The following MARCHF6 variants were observed in gnomAD, a reference collection of about 807,000 sequenced individuals.
The protein encoded by MARCHF6 is E3 ubiquitin-protein ligase MARCHF6.
Under a neutral mutation model 133.7 loss-of-function variants are expected in MARCHF6, and 31 were observed. That is an observed-to-expected ratio of 0.23 (90% confidence interval 0.17 to 0.31). The LOEUF is 0.31. Ranked by LOEUF, MARCHF6 falls within the 10% of genes least tolerant of loss-of-function variation. MARCHF6 has a pLI of 1.00. For missense variants in MARCHF6, 723 were observed against 1,121.6 expected (o/e 0.64, Z 5.08); for synonymous variants, 395 against 402.5 (o/e 0.98, Z 0.22).
At chr5:10,370,958 T>A (rs1679605071) in intron 1 of MARCHF6, among the ~76,000 whole-genome samples, 2 of 152,150 alleles carry the variant, frequency 1.3e-5, no homozygotes, top group African/African-American at 2.4e-5. Context: ...ATGAAAAAAA[T>A]AAAACATTCA....
chr5:10,373,630 A>G (rs1202152860), intron 1 of MARCHF6, among the ~76,000 whole-genome samples: 1 of 152,140 alleles, frequency 6.6e-6, no homozygotes, highest in Non-Finnish European at 1.5e-5. Context: ...GCCATAGTCA[A>G]TGGCCGACCC....
chr5:10,411,494 T>C lies in MARCHF6; in HGVS notation c.1853T>C (p.Val618Ala), dbSNP rs764711613. 1 of 1,614,242 alleles carries C rather than the reference T, an allele frequency of 6.2e-7. No homozygotes were observed. The highest frequency in any genetic ancestry group is 1.7e-5 in the Admixed American group (1 of 60,032). Reference protein sequence around the residue: ...HQAILQQGGPVGFQPYRRPLN... With the variant: ...HQAILQQGGPAGFQPYRRPLN... ...GCCATACTCCAGCAGGGAGGGCCTG[T>C]TGGCTTTCAGCCTTACCGCCGACCT... The change falls in exon 19 of 26, where the codon GTT (valine) becomes GCT (alanine). Residue 618 changes from valine to alanine, a missense_variant. Transcript: ENST00000274140.
chr5:10,369,103 G>T (rs1234631769), intron 1 of MARCHF6, among the ~76,000 whole-genome samples: 1 of 152,196 alleles, frequency 6.6e-6, no homozygotes, highest in Non-Finnish European at 1.5e-5. Context: ...GCAGTGTGAT[G>T]AATTGTGTTC....
intron 17 of MARCHF6, among the ~76,000 whole-genome samples, chr5:10,408,570 G>A (rs371130345): frequency 3.3e-5 from 5 of 152,186 alleles, no homozygotes; most frequent in Admixed American, 1.3e-4. Context: ...AAAGAGTCTC[G>A]CTCTGTCACC....
intron 15 of MARCHF6, 97 bp from the exon 16 acceptor site, chr5:10,405,461 A>G (rs1738829415): frequency 9.4e-6 from 10 of 1,063,480 alleles, no homozygotes; most frequent in Non-Finnish European, 1.3e-5. Flanking sequence ...AGATGCCAGA[A>G]TAATTCTAAG....
rs2126618621 is a variant in MARCHF6 at position 10,353,923 on chromosome 5, T to C, written c.19+6T>C. On this transcript the variant is annotated splice_donor_region_variant and intron_variant, in intron 1 of 25. Transcript: ENST00000274140. ...GATGGACACCGCGGAGGAAGGTAAG[T>C]CGGCGACGCGCGGCGCCCGAGCCCT... 3 of 1,555,934 alleles carry C rather than the reference T, an allele frequency of 1.9e-6. No individual in the cohort carries two copies. The highest frequency in any genetic ancestry group is 2.6e-6 in the Non-Finnish European group (3 of 1,155,826).
intron 11 of MARCHF6, chr5:10,401,349 T>C (rs75002437): frequency 0.013 from 2,046 of 154,546 alleles, 48 homozygotes; most frequent in African/African-American, 0.046. Flanking sequence ...AATTTAGTCT[T>C]TTATGGAAAA....
At chr5:10,370,296 T>A (rs1736393862) in intron 1 of MARCHF6, among the ~76,000 whole-genome samples, 1 of 151,530 alleles carries the variant, frequency 6.6e-6, no homozygotes, top group Non-Finnish European at 1.5e-5. Context: ...GATATGGGGG[T>A]CTCCCTATGT....
chr5:10,391,610 CGCA>C lies in MARCHF6; in HGVS notation c.647_649del (p.Ala216del). 1 of 1,612,758 alleles carries C rather than the reference CGCA, an allele frequency of 6.2e-7. No individual in the cohort carries two copies. The highest frequency in any genetic ancestry group is 1.1e-5 in the South Asian group (1 of 91,016). On this transcript the variant is annotated inframe_deletion, in exon 7 of 26. Transcript: ENST00000274140. ...AGCCTGCTAACCCACCAGCTGAGAA[CGCA>C]GTGGTGGGGGAAAACCCTGATGCCC...
chr5:10,433,100 G>T (rs1234909642), intron 25 of MARCHF6, among the ~76,000 whole-genome samples: 1 of 152,082 alleles, frequency 6.6e-6, no homozygotes, highest in Non-Finnish European at 1.5e-5. Context: ...ATGTTGGCCA[G>T]GCTGGTCTGA....
At chr5:10,364,517 C>CAAAAG (rs1265392009) in intron 1 of MARCHF6, among the ~76,000 whole-genome samples, 26 of 152,120 alleles carry the variant, frequency 1.7e-4, no homozygotes, top group South Asian at 6.2e-4. Flanking sequence ...TGCCCCTAGC[C>CAAAAG]AAAAGAAAAG....
rs903896832 is a variant in MARCHF6, at chr5:10,391,534, G to A, written c.577-8G>A. 4 of 1,464,026 alleles carry A rather than the reference G, an allele frequency of 2.7e-6. No individual in the cohort carries two copies. The African/African-American group carries it at 4.5e-5, about 16-fold the overall frequency. The allele number at this position is 1,464,026 out of a possible 1,614,324, so 90.7% of individuals were successfully genotyped here. The stretch of plus-strand genomic sequence containing the variant: ...GATCTAAATTTCTGGGCTTTTCTGT[G>A]ATTTTAGGCTCCAGCAGGAGGAAAT... On this transcript the variant is annotated splice_polypyrimidine_tract_variant and splice_region_variant and intron_variant, in intron 6 of 25. Coordinates refer to ENST00000274140, the MANE Select transcript of MARCHF6 (RefSeq NM_005885.4).
chr5:10,386,027 AT>A (rs781162216), intron 4 of MARCHF6, among the ~76,000 whole-genome samples: 439 of 142,592 alleles, frequency 3.1e-3, no homozygotes, highest in Middle Eastern at 3.6e-3. Flanking sequence ...GTGCTGTCTT[AT>A]TTTTTTTTTT....
rs74321552 is a variant in MARCHF6, at chr5:10,381,979, C to G, written c.334+36C>G. On this transcript the variant is annotated intron_variant, in intron 4 of 25. Transcript: ENST00000274140. ...ATGCCTCTGATTGGAGTTATTTAAA[C>G]ATTGCATAACTACTTAATATTATAA... The G allele has an allele frequency of 1.2e-3, 1,953 of 1,569,550 alleles. 21 individuals are homozygous for G. In the African/African-American group the frequency reaches 0.023, roughly 19 times the overall value.
rs182933724 is a variant in MARCHF6 at position 10,392,198 on chromosome 5, C to T, written c.766+467C>T. Among the ~76,000 whole-genome samples the T allele has an allele frequency of 2.4e-4, 37 of 152,292 alleles. No homozygotes were observed. In the East Asian group the frequency reaches 6.4e-3, roughly 26 times the overall value. ...GGTCTCGATCTCCTGACCTTGTGAG[C>T]CGCCCATCTCGGCCTCCAAAGTGCT... is the stretch of plus-strand genomic sequence containing the variant. On this transcript the variant is annotated intron_variant, in intron 7 of 25. Transcript: ENST00000274140.
At chr5:10,397,192 CT>C in intron 9 of MARCHF6, 100 bp from the exon 10 acceptor site, 1 of 748,564 alleles carries the variant, frequency 1.3e-6, no homozygotes, top group Non-Finnish European at 2.1e-6. Context: ...TCAATCTTAG[CT>C]GTTTTTACTA....
In MARCHF6 at chr5:10,395,272, A is replaced by T. The variant is rs57709415; in HGVS notation, c.861+487A>T. On this transcript the variant is annotated intron_variant, in intron 9 of 25. Transcript: ENST00000274140. ...GAAAAAGCATAAAGGTAATATTTTT[A>T]AAAAATTGTTAAATATTTGATTTTT... Among the ~76,000 whole-genome samples the T allele has an allele frequency of 3.6e-3, 555 of 152,332 alleles. 5 individuals carry two copies. Among genetic ancestry groups the T allele is most frequent in the African/African-American group, 0.013 (529 of 41,578 alleles).
chr5:10,375,801 A>G (rs539742449), intron 1 of MARCHF6, among the ~76,000 whole-genome samples: 15 of 152,016 alleles, frequency 9.9e-5, no homozygotes, highest in Middle Eastern at 3.4e-3. Flanking sequence ...AAATACACCA[A>G]TCGGCACTCT....
At chr5:10,431,348 A>C (rs188822575) in intron 25 of MARCHF6, among the ~76,000 whole-genome samples, 1 of 152,232 alleles carries the variant, frequency 6.6e-6, no homozygotes, top group Admixed American at 6.5e-5. Context: ...GGAACTTTCT[A>C]CCTGCTTCTT....
Sources: gnomAD v4.1 joint callset for allele counts (sites outside exome capture counted in the v4.1 genomes callset) on GRCh38, gnomAD v4.1.1 for gene constraint, MANE v1.5 for transcripts, NCBI Gene and HGNC (gene_info 2026-07-23, HGNC 2026-07-21) for gene names.